Variants in GPS2 observed in about 807,000 individuals in gnomAD.
GPS2 encodes the protein G protein pathway suppressor 2.
GPS2 carries 22 observed loss-of-function variants against 48.1 expected under a neutral mutation model. The ratio of observed to expected loss-of-function variants is 0.46; its 90% confidence interval spans 0.33 to 0.65. The LOEUF is 0.65. Ranked by LOEUF, GPS2 falls within the 30% of genes least tolerant of loss-of-function variation. The pLI is 0.03. For missense variants in GPS2, 366 were observed against 406.8 expected (o/e 0.90, Z 0.86); for synonymous variants, 202 against 142.5 (o/e 1.42, Z -2.98).
At chr17:7,312,939 G>T (rs747136071) in intron 10 of GPS2, 90 bp downstream of exon 10, 1 of 1,466,570 alleles carries the variant, frequency 6.8e-7, no homozygotes, top group South Asian at 1.2e-5. Context: ...GGAAAAACCA[G>T]ATGATGTGGG....
chr17:7,314,294 T>C lies in GPS2; in HGVS notation c.314A>G (p.Gln105Arg). The C allele has an allele frequency of 1.9e-6, 3 of 1,614,076 alleles. No homozygotes were observed. The highest frequency in any genetic ancestry group is 2.5e-6 in the Non-Finnish European group (3 of 1,179,916). Residue 105 changes from glutamine (Q) to arginine (R), a missense_variant, in exon 4 of 11, where the codon CAG (glutamine) becomes CGG (arginine). Transcript: ENST00000380728. ...GTTTTTAGCACTCTGATCCCACCTC[T>C]GTTCCTTTCGCCTCCGTTTTTCTTC... ...HEEEKRRRKEQSDLTTLTSAA... is the reference protein window; with the variant it reads ...HEEEKRRRKERSDLTTLTSAA...
At position 7,315,117 on chromosome 17, in the gene GPS2, G is replaced by C; in HGVS notation, c.-65C>G. ...TCTCTGACTGCCAGACCTCAGACGGGGCCTGCGGGGAGGCGGGCGCTCAGA... is the reference window on the plus strand; with the variant it reads ...TCTCTGACTGCCAGACCTCAGACGGCGCCTGCGGGGAGGCGGGCGCTCAGA... On this transcript the variant is annotated splice_region_variant and 5_prime_UTR_variant, in exon 2 of 11. Transcript: ENST00000380728. The C allele has an allele frequency of 1.5e-6, 2 of 1,308,622 alleles. No individual in the cohort carries two copies. Among genetic ancestry groups the C allele is most frequent in the Non-Finnish European group, 2.0e-6 (2 of 981,586 alleles). The allele number at this position is 1,308,622 out of a possible 1,614,324, so 81.1% of individuals were successfully genotyped here.
At chr17:7,313,797 C>A in intron 6 of GPS2, 76 bp from the exon 7 acceptor site, 2 of 1,574,232 alleles carry the variant, frequency 1.3e-6, no homozygotes, top group Non-Finnish European at 1.7e-6. Context: ...TATCTGTATG[C>A]CCCGTTTCCC....
chr17:7,313,479 G>A lies in GPS2; in HGVS notation c.635-10C>T, dbSNP rs771751850. The A allele has an allele frequency of 6.2e-7, 1 of 1,614,086 alleles. No individual in the cohort carries two copies. The highest frequency in any genetic ancestry group is 8.5e-7 in the Non-Finnish European group (1 of 1,179,936). On this transcript the variant is annotated splice_polypyrimidine_tract_variant and intron_variant, in intron 7 of 10. Coordinates refer to ENST00000380728, the MANE Select transcript of GPS2 (RefSeq NM_004489.5). ...GGGAATGCCGAAGGAGCTGAGAAAG[G>A]AAAAGACAGAGCCATTAAAATCTTT...
At position 7,313,857 on chromosome 17, in the gene GPS2, G is replaced by A. The variant is rs370155476; in HGVS notation, c.480+49C>T. The A allele has an allele frequency of 6.6e-5, 103 of 1,571,710 alleles. 1 individual carries two copies. Among genetic ancestry groups the A allele is most frequent in the African/African-American group, 1.8e-4 (13 of 74,020 alleles). On this transcript the variant is annotated intron_variant, in intron 6 of 10. Transcript: ENST00000380728. ...TTGTGACTTGAATACTGGTGGCAAG[G>A]ATGCATGGATGGAAGTACTAGGGGC...
chr17:7,315,312 GGAC>G lies in GPS2; in HGVS notation c.-68+16_-68+18del, dbSNP rs925982336. The G allele has an allele frequency of 5.6e-5, 21 of 377,432 alleles. No individual in the cohort carries two copies. Among genetic ancestry groups the G allele is most frequent in the Non-Finnish European group, 8.9e-5 (19 of 213,038 alleles). 23.4% of individuals were successfully genotyped at this position (377,432 alleles called of 1,614,324 possible). On this transcript the variant is annotated intron_variant, in intron 1 of 10. Transcript: ENST00000380728. Reference sequence around the variant, plus strand: ...CTGCCGCTCCCTGCCCAGCCAGCGCGGACGACTGCCCTTCCTACCCGCCTTCTC... The same window carrying G: ...CTGCCGCTCCCTGCCCAGCCAGCGCGGACTGCCCTTCCTACCCGCCTTCTC...
Position 7,313,034 on chromosome 17 carries a change from C to A in GPS2, c.895G>T (p.Gly299Ter). 6.5e-7 allele frequency: 1 copy of A among 1,547,274 alleles called. No individual in the cohort carries two copies. The highest frequency in any genetic ancestry group is 8.7e-7 in the Non-Finnish European group (1 of 1,145,320). ...AATTCTATTACCATTCTTACCTTTC[C>A]TGCTGGCTGCATCTGCACAGGGAGC... ...PQLPVQMQPA[G>*]KSGFAATSQP... The change falls in exon 10 of 11, where the codon GGA (glycine) becomes TGA (stop). Residue 299 changes from glycine to a stop codon, truncating the protein, a stop_gained. Transcript: ENST00000380728. LOFTEE classifies it high-confidence loss of function.
chr17:7,315,143 G>A, intron 1 of GPS2, 24 bp from the exon 2 acceptor site: 1 of 958,384 alleles, frequency 1.0e-6, no homozygotes, highest in Admixed American at 3.9e-5. Flanking sequence ...GGCGCTCAGA[G>A]GGGGCCGCGC....
rs375271864 is a variant in GPS2 at position 7,314,613 on chromosome 17, G to C, written c.95-16C>G. 5.6e-6 allele frequency: 9 copies of C among 1,613,828 alleles called. No homozygotes were observed. The highest frequency in any genetic ancestry group is 1.3e-5 in the African/African-American group (1 of 74,928). ...TCTTCTTCCTCTGGAGAATCAGGCA[G>C]AATGAAGAAGAGGCAGGGTAGTGAA... On this transcript the variant is annotated splice_polypyrimidine_tract_variant and intron_variant, in intron 2 of 10. Transcript: ENST00000380728.
At chr17:7,314,686 C>G (rs2072914276) in intron 2 of GPS2, 89 bp from the exon 3 acceptor site, 1 of 1,599,204 alleles carries the variant, frequency 6.3e-7, no homozygotes, top group African/African-American at 1.3e-5. Flanking sequence ...CCAGTCATCC[C>G]AACACGCCTG....
chr17:7,314,646 C>T (rs956772804), intron 2 of GPS2, 49 bp from the exon 3 acceptor site: 2 of 1,611,972 alleles, frequency 1.2e-6, no homozygotes, highest in Admixed American at 1.7e-5. Context: ...GAAAACAATT[C>T]CAACGTTACA....
At chr17:7,314,754 C>T in intron 2 of GPS2, 157 bp from the exon 3 acceptor site, 14 of 1,432,160 alleles carry the variant, frequency 9.8e-6, no homozygotes, top group Non-Finnish European at 1.3e-5. Context: ...AACGGAAAGG[C>T]TTTATCAGGT....
At position 7,313,021 on chromosome 17, in the gene GPS2, A is replaced by G; in HGVS notation, c.900+8T>C. 4 of 1,542,976 alleles carry G rather than the reference A, an allele frequency of 2.6e-6. No individual in the cohort carries two copies. The highest frequency in any genetic ancestry group is 3.5e-6 in the Non-Finnish European group (4 of 1,141,664). Reference sequence around the variant, plus strand: ...ATTCTGACAGGTAAATTCTATTACCATTCTTACCTTTCCTGCTGGCTGCAT... The same window carrying G: ...ATTCTGACAGGTAAATTCTATTACCGTTCTTACCTTTCCTGCTGGCTGCAT... On this transcript the variant is annotated splice_region_variant and intron_variant, in intron 10 of 10. Transcript: ENST00000380728.
In GPS2 at chr17:7,313,143, G is replaced by A. The variant is rs374717904; in HGVS notation, c.805-19C>T. The A allele has an allele frequency of 2.5e-6, 4 of 1,608,962 alleles. No individual in the cohort carries two copies. The African/African-American group carries it at 4.0e-5, about 16-fold the overall frequency. ...GAGAGGACTGCAGAGAACAGAGTCA[G>A]GGCCTGAGGCATACTGAAGCTCCCC... On this transcript the variant is annotated intron_variant, in intron 9 of 10. Transcript: ENST00000380728.
At chr17:7,313,851 G>A (rs1006688948) in intron 6 of GPS2, 55 bp downstream of exon 6, 7 of 1,569,758 alleles carry the variant, frequency 4.5e-6, no homozygotes, top group South Asian at 4.4e-5. Flanking sequence ...GAATACTGGT[G>A]GCAAGGATGC....
At chr17:7,314,657 G>C in intron 2 of GPS2, 60 bp from the exon 3 acceptor site, 1 of 1,609,832 alleles carries the variant, frequency 6.2e-7, no homozygotes, top group Non-Finnish European at 8.5e-7. Context: ...CAACGTTACA[G>C]ATTGAAGACC....
intron 1 of GPS2, 40 bp from the exon 2 acceptor site, chr17:7,315,159 C>T (rs1158373040): frequency 1.1e-5 from 8 of 746,484 alleles, no homozygotes. Context: ...CGCGCCCGGC[C>T]CAGGCGGAAG....
rs756408852 is a variant in GPS2, at chr17:7,312,734, T to C, written c.*22A>G. On this transcript the variant is annotated 3_prime_UTR_variant, in exon 11 of 11. Transcript: ENST00000380728. ...ACCCACGATGGGGTGGGGGGTGTGG[T>C]GTTGAAGATATAATCTGATGGTCAC... 2.5e-6 allele frequency: 4 copies of C among 1,577,308 alleles called. No homozygotes were observed. The highest frequency in any genetic ancestry group is 3.5e-6 in the Non-Finnish European group (4 of 1,146,774).
At chr17:7,315,182 G>C (rs1269262164) in intron 1 of GPS2, 63 bp from the exon 2 acceptor site, 1 of 484,184 alleles carries the variant, frequency 2.1e-6, no homozygotes, top group African/African-American at 2.0e-5. Flanking sequence ...CGTCCGCCCG[G>C]CCCGCTCGCC....
Sources: gnomAD v4.1 joint callset for allele counts on GRCh38, gnomAD v4.1.1 for gene constraint, MANE v1.5 for transcripts, NCBI Gene and HGNC (gene_info 2026-07-23, HGNC 2026-07-21) for gene names.